Variants in COPG2 observed in about 807,000 individuals in gnomAD.
COPG2 encodes the protein coat protein complex I subunit gamma 2.
In COPG2, 37 loss-of-function variants were observed where a neutral mutation model predicts 46.3. That is an observed-to-expected ratio of 0.80 (90% CI 0.61 to 1.05). COPG2 has a LOEUF of 1.05. Ranked by LOEUF, COPG2 falls within the 50% of genes least tolerant of loss-of-function variation. The pLI is 0.00. For synonymous variants in COPG2, 159 were observed against 129.7 expected, an observed-to-expected ratio of 1.23 and a Z score of -1.53; for missense variants, 427 against 387.8, an observed-to-expected ratio of 1.10 and a Z score of -0.85.
intron 4 of COPG2, among the ~76,000 whole-genome samples, chr7:130,654,904 A>T (rs370371486): frequency 2.0e-5 from 3 of 150,134 alleles, no homozygotes; most frequent in South Asian, 2.1e-4. Flanking sequence ...TTTTCATTTT[A>T]TATATTTCTT....
At chr7:130,663,954 T>C (rs558074491) in intron 3 of COPG2, among the ~76,000 whole-genome samples, 3 of 152,118 alleles carry the variant, frequency 2.0e-5, no homozygotes, top group African/African-American at 7.2e-5. Context: ...TTGGCCAGGC[T>C]GGTCTTGAAC....
intron 18 of COPG2, among the ~76,000 whole-genome samples, chr7:130,549,043 CAAAAAAAAAAA>C (rs1284034360): frequency 9.0e-6 from 1 of 110,642 alleles, no homozygotes; most frequent in Admixed American, 9.1e-5. Context: ...AAGCAAAAAG[CAAAAAAAAAAA>C]AAAAGAAAGT....
At position 130,547,812 on chromosome 7, in the gene COPG2, G is replaced by A. The variant is rs1156864922; in HGVS notation, c.2011C>T (p.Leu671=). Residue 671 remains leucine (L), a synonymous_variant, in exon 20 of 24, where the codon CTG becomes TTG. Transcript: ENST00000425248. Reference sequence around the variant, plus strand: ...TCCATCTGCACTGTCACTTTTTCCAGCAGCTGGTCATTGAGAGTGTTGGTG... The same window carrying A: ...TCCATCTGCACTGTCACTTTTTCCAACAGCTGGTCATTGAGAGTGTTGGTG... The part of the protein sequence containing the change: ...DCTNTLNDQL[L]EKVTVQMEPS... 5.0e-6 allele frequency: 2 copies of A among 399,038 alleles called. No individual in the cohort carries two copies. The highest frequency in any genetic ancestry group is 8.8e-6 in the Non-Finnish European group (2 of 226,358). The allele number at this position is 399,038 out of a possible 1,614,324, so 24.7% of individuals were successfully genotyped here. A position where few individuals can be genotyped will look rare whatever the true frequency, so the allele number is the denominator to read the frequency against.
chr7:130,652,892 C>T lies in COPG2; in HGVS notation c.300G>A (p.Glu100=). Residue 100 remains glutamate (E), a synonymous_variant, in exon 5 of 24, where the codon GAG becomes GAA. Transcript: ENST00000425248. ...ACCTGCTTGTGACAATTATCACATC[C>T]TCAGAGATGGTAGCCATTTCTTTGA... The part of the protein sequence containing the change: ...LTIKEMATIS[E]DVIIVTSSLT... The T allele has an allele frequency of 1.2e-6, 2 of 1,606,070 alleles. No individual in the cohort carries two copies. The highest frequency in any genetic ancestry group is 8.5e-7 in the Non-Finnish European group (1 of 1,175,158).
At chr7:130,625,185 T>C (rs2044936456) in intron 5 of COPG2, among the ~76,000 whole-genome samples, 1 of 152,212 alleles carries the variant, frequency 6.6e-6, no homozygotes, top group Admixed American at 6.5e-5. Flanking sequence ...CATTTTTTCA[T>C]ATGTTTGTTG....
intron 20 of COPG2, among the ~76,000 whole-genome samples, chr7:130,530,642 C>A (rs1290921583): frequency 6.6e-6 from 1 of 152,062 alleles, no homozygotes; most frequent in Non-Finnish European, 1.5e-5. Flanking sequence ...CACAGACAGG[C>A]AGGTACCTTC....
intron 5 of COPG2, among the ~76,000 whole-genome samples, chr7:130,642,699 C>A (rs191202333): frequency 6.6e-6 from 1 of 152,176 alleles, no homozygotes; most frequent in East Asian, 1.9e-4. Context: ...GAGGGGACTT[C>A]AAAAAATCTG....
Position 130,508,661 on chromosome 7 carries a change from TGGA to T in COPG2, c.2150-5_2150-3del, listed in dbSNP as rs781924187. On this transcript the variant is annotated splice_region_variant and splice_polypyrimidine_tract_variant and intron_variant, in intron 20 of 23. Coordinates refer to ENST00000425248, the MANE Select transcript of COPG2 (RefSeq NM_012133.6). ...TGGTGCAGCTAAAGGAGCCTGCAAC[TGGA>T]GGAGAAGGGAGGCAAACCTGCATCA... is the stretch of plus-strand genomic sequence containing the variant. The T allele has an allele frequency of 1.3e-6, 1 of 759,158 alleles. No homozygotes were observed. The highest frequency in any genetic ancestry group is 1.7e-5 in the African/African-American group (1 of 58,882). The allele number at this position is 759,158 out of a possible 1,614,324, so 47.0% of individuals were successfully genotyped here.
intron 5 of COPG2, among the ~76,000 whole-genome samples, chr7:130,647,730 ATTT>A (rs35878935): frequency 1.5e-5 from 2 of 131,818 alleles, no homozygotes; most frequent in Admixed American, 7.7e-5. Flanking sequence ...CCTCATTAAG[ATTT>A]TTTTTTTTTT....
chr7:130,520,486 C>G (rs1264453137), intron 20 of COPG2, among the ~76,000 whole-genome samples: 1 of 152,182 alleles, frequency 6.6e-6, no homozygotes, highest in Admixed American at 6.5e-5. Flanking sequence ...AGCCTAAATA[C>G]TTGTTAATAT....
chr7:130,658,737 G>A (rs1554460229), intron 4 of COPG2, among the ~76,000 whole-genome samples: 2 of 151,754 alleles, frequency 1.3e-5, no homozygotes. Flanking sequence ...CTGGAGTGCA[G>A]TGGCACGATC....
chr7:130,631,623 CTAA>C (rs1219429482), intron 5 of COPG2, among the ~76,000 whole-genome samples: 3 of 152,156 alleles, frequency 2.0e-5, no homozygotes, highest in Non-Finnish European at 4.4e-5. Flanking sequence ...TCTTCAAGTG[CTAA>C]AACACTTCAT....
intron 12 of COPG2, among the ~76,000 whole-genome samples, chr7:130,558,590 A>G (rs1793667828): frequency 6.6e-6 from 1 of 152,178 alleles, no homozygotes; most frequent in Non-Finnish European, 1.5e-5. Context: ...ATATGATCAC[A>G]GCTCACTGCA....
At chr7:130,586,686 T>C (rs927952447) in intron 9 of COPG2, among the ~76,000 whole-genome samples, 8 of 152,020 alleles carry the variant, frequency 5.3e-5, no homozygotes, top group Admixed American at 1.3e-4. Context: ...ATGGTCTTGA[T>C]CTCCTGACGT....
At chr7:130,561,539 A>C (rs1365245747) in intron 11 of COPG2, among the ~76,000 whole-genome samples, 27 of 152,332 alleles carry the variant, frequency 1.8e-4, no homozygotes, top group Admixed American at 1.7e-3. Flanking sequence ...TGTTAGGAGT[A>C]CTGACAACAG....
At position 130,639,714 on chromosome 7, in the gene COPG2, GCTTCTTTAGGA is replaced by G. The variant is rs1326557923; in HGVS notation, c.323+13144_323+13154del. Among the ~76,000 whole-genome samples, 4 of 152,172 alleles carry G rather than the reference GCTTCTTTAGGA, an allele frequency of 2.6e-5. No homozygotes were observed. The East Asian group carries it at 7.7e-4, about 29-fold the overall frequency. The stretch of plus-strand genomic sequence containing the variant: ...GTTTATACTTCAAAGCTTTTGCTAT[GCTTCTTTAGGA>G]ATAGTCCATACATGTAGTGCTTTGG... On this transcript the variant is annotated intron_variant, in intron 5 of 23. Coordinates refer to ENST00000425248, the MANE Select transcript of COPG2 (RefSeq NM_012133.6).
At chr7:130,590,506 C>G (rs1362033191) in intron 9 of COPG2, among the ~76,000 whole-genome samples, 2 of 152,192 alleles carry the variant, frequency 1.3e-5, no homozygotes, top group Non-Finnish European at 2.9e-5. Context: ...GATCCGCCAG[C>G]CTCGGCCTCC....
intron 4 of COPG2, among the ~76,000 whole-genome samples, chr7:130,657,048 C>G (rs1795873069): frequency 6.6e-6 from 1 of 150,596 alleles, no homozygotes; most frequent in East Asian, 1.9e-4. Context: ...ATGCAAAGGG[C>G]CCAAAAGAAC....
intron 20 of COPG2, chr7:130,509,620 G>C (rs919243365): frequency 6.1e-6 from 3 of 491,962 alleles, no homozygotes; most frequent in Non-Finnish European, 8.2e-6. Context: ...CACACATGTA[G>C]TGACTGTCAA....
Sources: allele counts gnomAD v4.1 joint callset (sites outside exome capture counted in the v4.1 genomes callset), GRCh38; gene constraint gnomAD v4.1.1; transcripts MANE v1.5; gene names NCBI Gene and HGNC (gene_info 2026-07-23, HGNC 2026-07-21).